Variants in SLC28A1 observed in about 807,000 individuals in gnomAD.
The protein encoded by SLC28A1 is solute carrier family 28 member 1.
Under a neutral mutation model 74.8 loss-of-function variants are expected in SLC28A1, and 64 were observed. That is an observed-to-expected ratio of 0.86 (90% CI 0.70 to 1.05). SLC28A1 has a LOEUF of 1.05. SLC28A1 is among the 50% of genes least tolerant of loss of function. SLC28A1 has a pLI of 0.00. For synonymous variants in SLC28A1, 359 were observed against 335.0 expected (o/e 1.07, Z -0.78); for missense variants, 828 against 822.8 (o/e 1.01, Z -0.08).
intron 12 of SLC28A1, among the ~76,000 whole-genome samples, chr15:84,932,847 G>A: frequency 6.6e-6 from 1 of 152,084 alleles, no homozygotes; most frequent in East Asian, 1.9e-4. Flanking sequence ...CCTTTATTTT[G>A]GGAAGCCATA....
At chr15:84,936,303 G>A (rs978661791) in intron 15 of SLC28A1, among the ~76,000 whole-genome samples, 1 of 151,438 alleles carries the variant, frequency 6.6e-6, no homozygotes, top group African/African-American at 2.4e-5. Context: ...TGTCACCCAG[G>A]CTGGAGTGCA....
rs1052284661 is a variant in SLC28A1 at position 84,939,822 on chromosome 15, G to GTATT, written c.1582-3609_1582-3606dup. The stretch of plus-strand genomic sequence containing the variant: ...TAACTTTTGAGTGGTATATATGTAT[G>GTATT]TATTTATTTATTTATTTTTGGAGAC... On this transcript the variant is annotated intron_variant, in intron 15 of 18. Coordinates refer to ENST00000394573, the MANE Select transcript of SLC28A1 (RefSeq NM_004213.5). The GTATT allele has an allele frequency of 2.2e-4, 33 of 152,082 alleles. 2 individuals carry two copies. Among genetic ancestry groups the GTATT allele is most frequent in the South Asian group, 2.1e-4 (1 of 4,816 alleles). The allele number at this position is 152,082 out of a possible 1,614,324, so 9.4% of individuals were successfully genotyped here.
At chr15:84,952,527 T>C in the SLC28A1 span, among the ~76,000 whole-genome samples, 3 of 152,324 alleles carry the variant, frequency 2.0e-5, no homozygotes, top group South Asian at 2.1e-4. Flanking sequence ...CTTCCTCCAC[T>C]CAGCCCCAAC....
chr15:84,920,067 A>G (rs1473385014), intron 10 of SLC28A1, among the ~76,000 whole-genome samples: 2 of 152,178 alleles, frequency 1.3e-5, no homozygotes, highest in Non-Finnish European at 2.9e-5. Flanking sequence ...AAATACTTAC[A>G]GAAGAGAGAT....
At chr15:84,914,651 G>A (rs1170399610) in intron 9 of SLC28A1, among the ~76,000 whole-genome samples, 3 of 152,176 alleles carry the variant, frequency 2.0e-5, no homozygotes, top group African/African-American at 7.2e-5. Context: ...ACCTGGCCCA[G>A]GACAAGCCCT....
chr15:84,944,916 G>A, intron 18 of SLC28A1, 49 bp downstream of exon 18: 1 of 1,352,106 alleles, frequency 7.4e-7, no homozygotes, highest in Non-Finnish European at 1.1e-6. Context: ...GTGATAGACA[G>A]AATGCCTGAG....
the SLC28A1 span, among the ~76,000 whole-genome samples, chr15:84,966,851 G>T: frequency 7.6e-4 from 115 of 152,246 alleles, 4 homozygotes; most frequent in East Asian, 9.5e-3. Flanking sequence ...GATGAGATTT[G>T]GGTGGGGACA....
Position 84,920,695 on chromosome 15 carries a change from C to T in SLC28A1, c.877-294C>T, listed in dbSNP as rs559455560. 8.4e-5 allele frequency among the ~76,000 whole-genome samples: 10 copies of T among 119,522 alleles called. No homozygotes were observed. The South Asian group carries it at 2.6e-3, about 31-fold the overall frequency. 78.4% of individuals were successfully genotyped at this position (119,522 alleles called of 152,430 possible). ...TACTAAGCTAATGTGTATTGGTAAT[C>T]TCCAAGGGGTGTGTGTGTGTGTGTG... On this transcript the variant is annotated intron_variant, in intron 10 of 18. Coordinates refer to ENST00000394573, the MANE Select transcript of SLC28A1 (RefSeq NM_004213.5).
chr15:84,924,475 C>T (rs1970241702), intron 12 of SLC28A1, among the ~76,000 whole-genome samples: 1 of 152,150 alleles, frequency 6.6e-6, no homozygotes, highest in African/African-American at 2.4e-5. Context: ...TCCAGTCTCA[C>T]ACCTGGGCTG....
At chr15:84,915,967 A>C (rs77009930) in intron 9 of SLC28A1, among the ~76,000 whole-genome samples, 26,394 of 150,678 alleles carry the variant, frequency 0.18, 3,124 homozygotes, top group East Asian at 0.56. Flanking sequence ...TCTTCTTATT[A>C]TTATTATTAT....
chr15:84,964,862 G>A, the SLC28A1 span, among the ~76,000 whole-genome samples: 1 of 152,218 alleles, frequency 6.6e-6, no homozygotes, highest in Non-Finnish European at 1.5e-5. Flanking sequence ...TAGCTGCAAG[G>A]GAGGCTGGAA....
At chr15:84,929,220 A>G (rs1970997399) in intron 12 of SLC28A1, among the ~76,000 whole-genome samples, 1 of 152,218 alleles carries the variant, frequency 6.6e-6, no homozygotes, top group Admixed American at 6.5e-5. Flanking sequence ...CATTATTAAA[A>G]TTAATTTAAC....
At chr15:84,906,294 ACAGGTGTAAGC>A (rs1967099547) in intron 8 of SLC28A1, among the ~76,000 whole-genome samples, 1 of 151,876 alleles carries the variant, frequency 6.6e-6, no homozygotes, top group Non-Finnish European at 1.5e-5. Flanking sequence ...TGCTGGGATT[ACAGGTGTAAGC>A]CACCACACCT....
chr15:84,926,805 G>C (rs1209920313), intron 12 of SLC28A1, among the ~76,000 whole-genome samples: 6 of 133,978 alleles, frequency 4.5e-5, no homozygotes, highest in Non-Finnish European at 6.6e-5. Context: ...TGGGGGGAGG[G>C]GGGGGGTGGT....
rs966787917 is a variant in SLC28A1 at position 84,925,775 on chromosome 15, C to CT, written c.1083+1675dup. ...CTGAGTACTCACATACTTTCTCTCT[C>CT]TTTTTTTTTTAATAAAAGTTGAGAA... On this transcript the variant is annotated intron_variant, in intron 12 of 18. Transcript: ENST00000394573. Among the ~76,000 whole-genome samples the CT allele has an allele frequency of 9.9e-4, 147 of 148,524 alleles. 1 individual carries two copies. Among genetic ancestry groups the CT allele is most frequent in the South Asian group, 8.5e-4 (4 of 4,686 alleles).
intron 5 of SLC28A1, among the ~76,000 whole-genome samples, chr15:84,890,883 T>C (rs899227368): frequency 1.2e-4 from 18 of 152,018 alleles, no homozygotes; most frequent in African/African-American, 4.4e-4. Flanking sequence ...AGGTGATAGA[T>C]ACTAAGGAGG....
chr15:84,900,089 G>C (rs150088521), intron 6 of SLC28A1, among the ~76,000 whole-genome samples: 2 of 152,076 alleles, frequency 1.3e-5, no homozygotes, highest in Non-Finnish European at 2.9e-5. Context: ...GGCCGAGTTG[G>C]ACAGATCACT....
the SLC28A1 span, among the ~76,000 whole-genome samples, chr15:84,967,992 T>C: frequency 5.3e-5 from 8 of 152,176 alleles, no homozygotes; most frequent in East Asian, 1.2e-3. Flanking sequence ...GGTCCACTGT[T>C]GGTTGGTATG....
chr15:84,900,447 G>A (rs964018552), intron 6 of SLC28A1, among the ~76,000 whole-genome samples: 1 of 142,138 alleles, frequency 7.0e-6, no homozygotes, highest in Non-Finnish European at 1.5e-5. Context: ...AGAAAGAAAT[G>A]TTAAAGGAAA....
Sources: allele counts gnomAD v4.1 joint callset (sites outside exome capture counted in the v4.1 genomes callset), GRCh38; gene constraint gnomAD v4.1.1; transcripts MANE v1.5; gene names NCBI Gene and HGNC (gene_info 2026-07-23, HGNC 2026-07-21).